Variants in IQCM observed in about 807,000 individuals in gnomAD.
IQCM encodes the protein IQ domain-containing protein M.
A neutral mutation model predicts 57.6 loss-of-function variants in IQCM; 45 were observed. The ratio of observed to expected loss-of-function variants is 0.78; its 90% CI spans 0.62 to 1.00. The LOEUF (loss-of-function observed/expected upper bound fraction) is 1.00. IQCM is among the 50% of genes least tolerant of loss of function. The pLI is 0.00. For synonymous variants in IQCM, 148 were observed against 158.9 expected (o/e 0.93, Z 0.51); for missense variants, 468 against 511.6 (o/e 0.91, Z 0.82).
intron 7 of IQCM, among the ~76,000 whole-genome samples, chr4:149,666,376 A>G (rs1760723941): frequency 1.3e-5 from 2 of 152,092 alleles, no homozygotes; most frequent in Admixed American, 6.5e-5. Flanking sequence ...CTGTGCTGTG[A>G]GGGATGATGC....
intron 8 of IQCM, among the ~76,000 whole-genome samples, chr4:149,593,735 T>C (rs900849961): frequency 2.6e-5 from 4 of 152,114 alleles, no homozygotes; most frequent in African/African-American, 9.7e-5. Flanking sequence ...TTGTCTTTGG[T>C]TCTGTTTATA....
At chr4:149,585,771 G>A (rs921210581) in intron 9 of IQCM, among the ~76,000 whole-genome samples, 1 of 151,694 alleles carries the variant, frequency 6.6e-6, no homozygotes, top group African/African-American at 2.4e-5. Context: ...TGTGAGGTGA[G>A]ATTTAGATTC....
chr4:149,601,635 G>C (rs1754302161), intron 8 of IQCM, among the ~76,000 whole-genome samples: 1 of 151,958 alleles, frequency 6.6e-6, no homozygotes, highest in South Asian at 2.1e-4. Context: ...TGTACTTCAG[G>C]CTTATAAATA....
chr4:149,747,850 A>G (rs1768076880), intron 2 of IQCM, among the ~76,000 whole-genome samples: 2 of 152,172 alleles, frequency 1.3e-5, no homozygotes, highest in East Asian at 3.9e-4. Flanking sequence ...TATTACCCAG[A>G]ACCAGGAAGT....
intron 5 of IQCM, among the ~76,000 whole-genome samples, chr4:149,694,771 A>G (rs993287783): frequency 1.3e-5 from 2 of 152,184 alleles, no homozygotes; most frequent in South Asian, 2.1e-4. Context: ...TGTTGTGAAA[A>G]TAGTTGGGCT....
intron 2 of IQCM, among the ~76,000 whole-genome samples, chr4:149,746,165 A>G (rs780538448): frequency 1.5e-4 from 23 of 152,076 alleles, no homozygotes; most frequent in Middle Eastern, 3.4e-3. Flanking sequence ...TACTACCCCA[A>G]ACTTTCTCCC....
rs1766648719 is a variant in IQCM, at chr4:149,733,420, T to C, written c.209A>G (p.Lys70Arg). 3.2e-6 allele frequency: 4 copies of C among 1,231,860 alleles called. No individual in the cohort carries two copies. Among genetic ancestry groups the C allele is most frequent in the Non-Finnish European group, 3.0e-6 (3 of 987,756 alleles). 76.3% of individuals were successfully genotyped at this position (1,231,860 alleles called of 1,614,324 possible). The change falls in exon 5 of 14, where the codon AAA (lysine) becomes AGA (arginine). Residue 70 changes from lysine to arginine, a missense_variant. Lys to Arg is a conservative substitution (Grantham distance 26). Coordinates refer to ENST00000636793, the MANE Select transcript of IQCM (RefSeq NM_001363507.2). ...TTGCACCACATCACGTGTTACCTTT[T>C]TGTCAATCTCCAAAGGTATGTATTT... is the stretch of plus-strand genomic sequence containing the variant. ...SGKYIPLEID[K>R]KVTRDVVQEH...
chr4:149,421,395 A>G (rs900408593), intron 13 of IQCM, among the ~76,000 whole-genome samples: 1 of 152,072 alleles, frequency 6.6e-6, no homozygotes, highest in Non-Finnish European at 1.5e-5. Flanking sequence ...TGAATGTATA[A>G]AAACAGATAT....
At chr4:149,470,253 G>A (rs1410092688) in intron 12 of IQCM, among the ~76,000 whole-genome samples, 1 of 151,466 alleles carries the variant, frequency 6.6e-6, no homozygotes, top group Non-Finnish European at 1.5e-5. Context: ...GACACACATA[G>A]GCTCAAAATA....
rs1181144829 is a variant in IQCM at position 149,558,453 on chromosome 4, A to G, written c.949-5166T>C. Among the ~76,000 whole-genome samples, 4 of 152,174 alleles carry G rather than the reference A, an allele frequency of 2.6e-5. No individual in the cohort carries two copies. In the East Asian group the frequency reaches 7.7e-4, roughly 29 times the overall value. ...CTAGTATGGGCCAAGAATGTACAAG[A>G]CTTTGCGAATAGATTAAAGATCAGG... is the stretch of plus-strand genomic sequence containing the variant. On this transcript the variant is annotated intron_variant, in intron 10 of 13. Transcript: ENST00000636793.
rs374215274 is a variant in IQCM, at chr4:149,356,648, C to A, written c.1391-4582G>T. Among the ~76,000 whole-genome samples, 8 of 152,068 alleles carry A rather than the reference C, an allele frequency of 5.3e-5. No homozygotes were observed. In the East Asian group the frequency reaches 7.7e-4, roughly 15 times the overall value. On this transcript the variant is annotated intron_variant, in intron 13 of 13. Coordinates refer to ENST00000636793, the MANE Select transcript of IQCM (RefSeq NM_001363507.2). Reference sequence around the variant, plus strand: ...TACCATGCTGTTTTGGTTACTGTAGCCTTGTAGTATAGTTTGAAGTCAGGT... The same window carrying A: ...TACCATGCTGTTTTGGTTACTGTAGACTTGTAGTATAGTTTGAAGTCAGGT...
rs1748687136 is a variant in IQCM at position 149,548,546 on chromosome 4, A to C, written c.1137T>G (p.Ile379Met). ...MFAKREDWPKIERNELPNFFS... is the reference protein window; with the variant it reads ...MFAKREDWPKMERNELPNFFS... Reference sequence around the variant, plus strand: ...AGAAATTGGGGAGCTCATTTCTTTCAATTTTTGGCCAATCTTCCCTCTTAG... The same window carrying C: ...AGAAATTGGGGAGCTCATTTCTTTCCATTTTTGGCCAATCTTCCCTCTTAG... The change falls in exon 12 of 14, where the codon ATT becomes ATG. Residue 379 changes from isoleucine to methionine, a missense_variant. Coordinates refer to ENST00000636793, the MANE Select transcript of IQCM (RefSeq NM_001363507.2). The C allele has an allele frequency of 4.1e-6, 5 of 1,230,842 alleles. No homozygotes were observed. Among genetic ancestry groups the C allele is most frequent in the South Asian group, 8.2e-5 (2 of 24,306 alleles). 76.2% of individuals were successfully genotyped at this position (1,230,842 alleles called of 1,614,324 possible).
At chr4:149,624,147 AGTGTGTGT>A (rs34626095) in intron 7 of IQCM, among the ~76,000 whole-genome samples, 2 of 144,670 alleles carry the variant, frequency 1.4e-5, no homozygotes, top group Admixed American at 1.4e-4. Flanking sequence ...ATGTGCCCCA[AGTGTGTGT>A]GTGTGTGTGT....
At chr4:149,412,809 G>A (rs967761568) in intron 13 of IQCM, among the ~76,000 whole-genome samples, 9 of 152,182 alleles carry the variant, frequency 5.9e-5, no homozygotes, top group Middle Eastern at 3.2e-3. Flanking sequence ...GTTAATGTAT[G>A]TGAAGGAGTT....
rs1730074056 is a variant in IQCM, at chr4:149,368,845, T to TATATATACACGTATATATATAC, written c.1391-16780_1391-16779insGTATATATATACGTGTATATAT. Among the ~76,000 whole-genome samples the TATATATACACGTATATATATAC allele has an allele frequency of 7.2e-5, 6 of 83,588 alleles. 1 individual carries two copies. Among genetic ancestry groups the TATATATACACGTATATATATAC allele is most frequent in the Admixed American group, 1.2e-4 (1 of 8,082 alleles). The allele number at this position is 83,588 out of a possible 152,430, so 54.8% of individuals were successfully genotyped here. A position where few individuals can be genotyped will look rare whatever the true frequency, so the allele number is the denominator to read the frequency against. On this transcript the variant is annotated intron_variant, in intron 13 of 13. Coordinates refer to ENST00000636793, the MANE Select transcript of IQCM (RefSeq NM_001363507.2). The stretch of plus-strand genomic sequence containing the variant: ...ATATATATACATGTATATATATACA[T>TATATATACACGTATATATATAC]ATATATACATGTATATATATACATA...
At chr4:149,437,993 C>A (rs1010519902) in intron 12 of IQCM, among the ~76,000 whole-genome samples, 1 of 151,946 alleles carries the variant, frequency 6.6e-6, no homozygotes, top group African/African-American at 2.4e-5. Context: ...TTAAAAAGGG[C>A]AAATGTATAA....
At chr4:149,656,241 A>G (rs1759626610) in intron 7 of IQCM, among the ~76,000 whole-genome samples, 1 of 152,144 alleles carries the variant, frequency 6.6e-6, no homozygotes, top group Non-Finnish European at 1.5e-5. Flanking sequence ...TTTATTATAA[A>G]CATCTACACT....
chr4:149,501,794 A>T (rs546259211), intron 12 of IQCM, among the ~76,000 whole-genome samples: 1 of 152,180 alleles, frequency 6.6e-6, no homozygotes. Flanking sequence ...CCACTTGGAA[A>T]TTGATTGCCC....
At chr4:149,524,557 T>A (rs959088787) in intron 12 of IQCM, among the ~76,000 whole-genome samples, 9 of 151,836 alleles carry the variant, frequency 5.9e-5, no homozygotes, top group Admixed American at 5.3e-4. Context: ...TAGAACAAAT[T>A]TGTAGCATTG....
Sources: gnomAD v4.1 joint callset for allele counts (sites outside exome capture counted in the v4.1 genomes callset) on GRCh38, gnomAD v4.1.1 for gene constraint, MANE v1.5 for transcripts, NCBI Gene and HGNC (gene_info 2026-07-23, HGNC 2026-07-21) for gene names.